RABL3: variants seen among roughly 807,000 people sequenced by gnomAD.
The protein encoded by RABL3 is RAB, member of RAS oncogene family like 3.
RABL3 carries 31 observed loss-of-function variants against 31.8 expected under a neutral mutation model. The observed-to-expected ratio is 0.97, with a 90% CI of 0.73 to 1.31. The LOEUF (loss-of-function observed/expected upper bound fraction) is 1.31, where lower values mean the gene tolerates loss of function less well. Among genes scored for constraint, RABL3 ranks in the 40% most tolerant of loss-of-function variants. The pLI, the probability that RABL3 is intolerant of heterozygous loss-of-function variation, is 0.00. For missense variants in RABL3, 263 were observed against 279.6 expected, an observed-to-expected ratio of 0.94 and a Z score of 0.42; for synonymous variants, 97 against 99.9, an observed-to-expected ratio of 0.97 and a Z score of 0.18.
chr3:120,742,624 C>G (rs759451203), upstream of RABL3: 56 of 1,038,556 alleles, frequency 5.4e-5, no homozygotes, highest in Non-Finnish European at 8.0e-5. Context: ...CTGTCTTGAT[C>G]GAAGGTTTCA....
chr3:120,729,483 A>G (rs894154754), intron 2 of RABL3, among the ~76,000 whole-genome samples: 2 of 152,198 alleles, frequency 1.3e-5, no homozygotes, highest in African/African-American at 4.8e-5. Context: ...CAAGGAGCAT[A>G]GCTACCTCTC....
intron 2 of RABL3, among the ~76,000 whole-genome samples, chr3:120,722,928 G>A (rs28539233): frequency 0.22 from 30,521 of 139,282 alleles, 3,561 homozygotes; most frequent in East Asian, 0.37. Flanking sequence ...GCTAGCAGAA[G>A]GCAAGAAATA....
chr3:120,707,439 T>G (rs1406499115), intron 3 of RABL3, among the ~76,000 whole-genome samples: 1 of 152,174 alleles, frequency 6.6e-6, no homozygotes, highest in African/African-American at 2.4e-5. Context: ...AATATTGTGC[T>G]TTACATGTGT....
chr3:120,696,514 A>G (rs557212485), intron 5 of RABL3, among the ~76,000 whole-genome samples: 5 of 152,088 alleles, frequency 3.3e-5, no homozygotes, highest in African/African-American at 9.6e-5. Flanking sequence ...TGTATGTGCT[A>G]AAGTCTCACT....
intron 6 of RABL3, among the ~76,000 whole-genome samples, chr3:120,691,688 T>G (rs1007769916): frequency 6.6e-6 from 1 of 152,248 alleles, no homozygotes; most frequent in Non-Finnish European, 1.5e-5. Flanking sequence ...GGAATAGCTG[T>G]ATTTTCTTTA....
intron 3 of RABL3, among the ~76,000 whole-genome samples, chr3:120,707,680 A>T (rs1708564597): frequency 6.6e-6 from 1 of 152,072 alleles, no homozygotes; most frequent in Non-Finnish European, 1.5e-5. Flanking sequence ...CAGGCTATAA[A>T]TATGGCAAAA....
At position 120,730,583 on chromosome 3, in the gene RABL3, T is replaced by C. The variant is rs1201030720; in HGVS notation, c.138+113A>G. 6 of 717,408 alleles carry C rather than the reference T, an allele frequency of 8.4e-6. No homozygotes were observed. In the African/African-American group the frequency reaches 9.0e-5, roughly 11 times the overall value. 44.4% of individuals were successfully genotyped at this position (717,408 alleles called of 1,614,324 possible). A position where few individuals can be genotyped will look rare whatever the true frequency, so the allele number is the denominator to read the frequency against. On this transcript the variant is annotated intron_variant, in intron 2 of 7. Transcript: ENST00000273375. ...TACCTGGCACATAGTATGAATGTAA[T>C]AAATCCCAGCTATTACTATTGATCT... is the stretch of plus-strand genomic sequence containing the variant.
intron 4 of RABL3, among the ~76,000 whole-genome samples, chr3:120,700,071 T>A (rs900127189): frequency 6.6e-6 from 1 of 152,198 alleles, no homozygotes; most frequent in African/African-American, 2.4e-5. Flanking sequence ...CATACATATA[T>A]AGTTTGCTCT....
At chr3:120,737,557 T>C (rs1708985187) in intron 1 of RABL3, among the ~76,000 whole-genome samples, 1 of 152,250 alleles carries the variant, frequency 6.6e-6, no homozygotes, top group Non-Finnish European at 1.5e-5. Flanking sequence ...TTTGTTCCTT[T>C]GCTGGCGAGG....
At chr3:120,706,146 C>G in intron 3 of RABL3, 32 bp from the exon 4 acceptor site, 1 of 1,329,504 alleles carries the variant, frequency 7.5e-7, no homozygotes, top group Non-Finnish European at 1.1e-6. Flanking sequence ...ATGTTAATCC[C>G]TTAACAATTC....
intron 2 of RABL3, among the ~76,000 whole-genome samples, chr3:120,717,947 C>A (rs548809785): frequency 2.0e-5 from 3 of 152,296 alleles, no homozygotes; most frequent in Admixed American, 2.0e-4. Flanking sequence ...GATAAAGTTT[C>A]TTTTGGAAAC....
chr3:120,732,627 A>C (rs1708899615), intron 1 of RABL3, among the ~76,000 whole-genome samples: 1 of 152,092 alleles, frequency 6.6e-6, no homozygotes, highest in African/African-American at 2.4e-5. Context: ...GCTTTGTTAC[A>C]TATGTATACA....
intron 6 of RABL3, among the ~76,000 whole-genome samples, chr3:120,692,815 A>G (rs964843535): frequency 6.6e-6 from 1 of 152,172 alleles, no homozygotes; most frequent in African/African-American, 2.4e-5. Context: ...TTATTTTTTA[A>G]TTTTAGAACT....
At chr3:120,737,637 T>TC (rs1357238091) in intron 1 of RABL3, among the ~76,000 whole-genome samples, 1 of 152,206 alleles carries the variant, frequency 6.6e-6, no homozygotes, top group Admixed American at 6.5e-5. Context: ...CTCTGTTTTT[T>TC]CCCCATCTTT....
upstream of RABL3, chr3:120,742,591 T>G: frequency 7.5e-7 from 1 of 1,324,636 alleles, no homozygotes; most frequent in Non-Finnish European, 1.1e-6. Flanking sequence ...AGCCTTCAAT[T>G]TCATTGGCCA....
chr3:120,701,272 T>C (rs1007989411), intron 4 of RABL3, among the ~76,000 whole-genome samples: 27 of 152,202 alleles, frequency 1.8e-4, no homozygotes, highest in African/African-American at 6.3e-4. Context: ...TATGTGGATA[T>C]GCCATTATTT....
chr3:120,701,636 GC>G (rs1708493597), intron 4 of RABL3, among the ~76,000 whole-genome samples: 1 of 152,132 alleles, frequency 6.6e-6, no homozygotes, highest in Non-Finnish European at 1.5e-5. Context: ...TATCAATGAG[GC>G]TTTGAAATAT....
At chr3:120,701,292 A>C (rs1350460105) in intron 4 of RABL3, among the ~76,000 whole-genome samples, 1 of 152,168 alleles carries the variant, frequency 6.6e-6, no homozygotes, top group Non-Finnish European at 1.5e-5. Context: ...TATTCAATGA[A>C]TCTTTCGTTG....
At chr3:120,719,655 G>A (rs1213658826) in intron 2 of RABL3, among the ~76,000 whole-genome samples, 6 of 152,316 alleles carry the variant, frequency 3.9e-5, no homozygotes, top group Admixed American at 2.0e-4. Context: ...CTGGGGGAGG[G>A]GCACCCACCA....
Sources: gnomAD v4.1 joint callset for allele counts (sites outside exome capture counted in the v4.1 genomes callset) on GRCh38, gnomAD v4.1.1 for gene constraint, MANE v1.5 for transcripts, NCBI Gene and HGNC (gene_info 2026-07-23, HGNC 2026-07-21) for gene names.